PEX5: variants seen among roughly 807,000 people sequenced by gnomAD.
PEX5 encodes peroxisomal biogenesis factor 5.
A neutral mutation model predicts 82.9 loss-of-function variants in PEX5; 52 were observed. The observed-to-expected ratio is 0.63, with a 90% CI of 0.50 to 0.79. The LOEUF (loss-of-function observed/expected upper bound fraction) is 0.79, where lower values mean the gene tolerates loss of function less well. Among genes scored for constraint, PEX5 ranks in the 30% least tolerant of loss-of-function variants. PEX5 has a pLI of 0.00. For synonymous variants in PEX5, 300 were observed against 318.8 expected (o/e 0.94, Z 0.63); for missense variants, 719 against 815.2 (o/e 0.88, Z 1.44).
downstream of PEX5, among the ~76,000 whole-genome samples, chr12:7,213,213 T>C (rs1454103841): frequency 6.6e-6 from 1 of 150,690 alleles, no homozygotes; most frequent in Non-Finnish European, 1.5e-5. Context: ...CTTCACAGAA[T>C]TGGAAAAAAC....
chr12:7,193,914 A>G (rs1941627896), intron 5 of PEX5, among the ~76,000 whole-genome samples: 1 of 152,210 alleles, frequency 6.6e-6, no homozygotes. Context: ...AGAGGCAGAG[A>G]CATGCAAACC....
rs7969635 is a variant in PEX5 at position 7,218,016 on chromosome 12, A to C, written c.*20-386A>C. Reference sequence around the variant, plus strand: ...GGGAGGGGAGTTAGTTAGTCTAACTAATATCAGTTAGACGTTATTTTACTT... The same window carrying C: ...GGGAGGGGAGTTAGTTAGTCTAACTCATATCAGTTAGACGTTATTTTACTT... On this transcript the variant is annotated intron_variant, in intron 17 of 17. Transcript: ENST00000455147. Among the ~76,000 whole-genome samples the C allele has an allele frequency of 3.2e-4, 49 of 152,096 alleles. No homozygotes were observed. The East Asian group carries it at 8.7e-3, about 27-fold the overall frequency.
chr12:7,195,678 A>T (rs1276509965), intron 5 of PEX5, among the ~76,000 whole-genome samples: 2 of 149,948 alleles, frequency 1.3e-5, no homozygotes, highest in Non-Finnish European at 1.5e-5. Context: ...TGTGAATTTG[A>T]GGAGCACTTA....
At chr12:7,191,914 TAGAG>T (rs374749641) in intron 5 of PEX5, among the ~76,000 whole-genome samples, 53 of 152,336 alleles carry the variant, frequency 3.5e-4, no homozygotes, top group African/African-American at 1.0e-3. Flanking sequence ...AGATTTTGGA[TAGAG>T]AGAACGAAGA....
rs1317558154 is a variant in PEX5, at chr12:7,191,591, C to A, written c.339C>A (p.Ala113=). ...PQRAPGVADL[A]LSENWAQEFL... ...AAGCCCCTGGTGTGGCAGACTTGGC[C>A]TTGTCTGAGAACTGGGCCCAGGAGT... The change falls in exon 5 of 16, where the codon GCC becomes GCA. Residue 113 remains alanine (A), a synonymous_variant. Coordinates refer to ENST00000675855, the MANE Select transcript of PEX5 (RefSeq NM_001351132.2). 6.2e-7 allele frequency: 1 copy of A among 1,613,984 alleles called. No homozygotes were observed. Among genetic ancestry groups the A allele is most frequent in the East Asian group, 2.2e-5 (1 of 44,886 alleles).
At chr12:7,201,704 A>G (rs779254127) in intron 6 of PEX5, 47 bp from the exon 7 acceptor site, 1 of 1,292,570 alleles carries the variant, frequency 7.7e-7, no homozygotes, top group African/African-American at 1.4e-5. Context: ...TAGCATGGGG[A>G]GGGTGATGGC....
rs1555175931 is a variant in PEX5 at position 7,197,232 on chromosome 12, T to TATATAATGTAATTATATATGTC, written c.449-1777_449-1776insATAATGTAATTATATATGTCAT. On this transcript the variant is annotated intron_variant, in intron 5 of 15. Coordinates refer to ENST00000675855, the MANE Select transcript of PEX5 (RefSeq NM_001351132.2). ...ATATATAATGTAATTATATATGTCA[T>TATATAATGTAATTATATATGTC]ATGTAATAATTATATGTCATATGTA... Among the ~76,000 whole-genome samples, 29 of 44,742 alleles carry TATATAATGTAATTATATATGTC rather than the reference T, an allele frequency of 6.5e-4. 9 individuals carry two copies. Among genetic ancestry groups the TATATAATGTAATTATATATGTC allele is most frequent in the African/African-American group, 1.8e-3 (26 of 14,366 alleles). The allele number at this position is 44,742 out of a possible 152,430, so 29.4% of individuals were successfully genotyped here.
At chr12:7,201,147 A>G (rs1457317675) in intron 6 of PEX5, among the ~76,000 whole-genome samples, 1 of 151,462 alleles carries the variant, frequency 6.6e-6, no homozygotes, top group East Asian at 2.0e-4. Context: ...ACACACACAC[A>G]CGCACACACA....
chr12:7,198,892 G>C (rs1353923183), intron 5 of PEX5, 119 bp from the exon 6 acceptor site: 1 of 650,844 alleles, frequency 1.5e-6, no homozygotes, highest in Admixed American at 2.1e-5. Context: ...GGAGTCAGCA[G>C]AGTTTTGTCT....
chr12:7,214,794 T>A (rs181457381), downstream of PEX5, among the ~76,000 whole-genome samples: 1 of 152,122 alleles, frequency 6.6e-6, no homozygotes, highest in Non-Finnish European at 1.5e-5. Flanking sequence ...ATTAAAAACA[T>A]GAATAGATGT....
In PEX5 at chr12:7,196,550, AATT is replaced by A. The variant is rs1184235587; in HGVS notation, c.449-2458_449-2456del. Among the ~76,000 whole-genome samples, 3 of 57,824 alleles carry A rather than the reference AATT, an allele frequency of 5.2e-5. 1 individual carries two copies. The highest frequency in any genetic ancestry group is 9.2e-5 in the Non-Finnish European group (2 of 21,652). The allele number at this position is 57,824 out of a possible 152,430, so 37.9% of individuals were successfully genotyped here. On this transcript the variant is annotated intron_variant, in intron 5 of 15. Transcript: ENST00000675855. ...TTATATATGTCACATATAATGTAAT[AATT>A]ATATATGTCACATATAATGTAATAA...
chr12:7,214,472 A>C (rs1332463664), downstream of PEX5, among the ~76,000 whole-genome samples: 4 of 150,422 alleles, frequency 2.7e-5, no homozygotes, highest in East Asian at 8.0e-4. Flanking sequence ...AAGAACAAAA[A>C]ACCAAACACT....
intron 10 of PEX5, among the ~76,000 whole-genome samples, chr12:7,204,889 A>T (rs889546055): frequency 6.6e-6 from 1 of 152,146 alleles, no homozygotes; most frequent in Non-Finnish European, 1.5e-5. Context: ...TAGAAAAAAA[A>T]TCACATTTGA....
intron 17 of PEX5, among the ~76,000 whole-genome samples, chr12:7,216,573 A>ATT (rs11430619): frequency 7.9e-5 from 12 of 152,050 alleles, no homozygotes; most frequent in African/African-American, 2.4e-4. Flanking sequence ...CATAACTTCT[A>ATT]TTTTTTGTTT....
intron 2 of PEX5, 81 bp from the exon 3 acceptor site, chr12:7,190,807 A>G (rs1317993817): frequency 7.9e-6 from 11 of 1,399,690 alleles, no homozygotes; most frequent in African/African-American, 1.4e-5. Context: ...GAAGAAGCCG[A>G]GGCTCAGATG....
intron 10 of PEX5, among the ~76,000 whole-genome samples, chr12:7,205,946 G>A (rs912966883): frequency 1.3e-5 from 2 of 152,178 alleles, no homozygotes; most frequent in Non-Finnish European, 2.9e-5. Context: ...TTTACAGATA[G>A]TATCTTAAGC....
intron 9 of PEX5, 109 bp from the exon 10 acceptor site, chr12:7,203,323 C>A: frequency 8.0e-7 from 1 of 1,245,874 alleles, no homozygotes; most frequent in Non-Finnish European, 1.1e-6. Flanking sequence ...GATTCTTAAA[C>A]ATATTGAAAT....
At chr12:7,215,248 G>A (rs956347564), downstream of PEX5, among the ~76,000 whole-genome samples, 2 of 152,138 alleles carry the variant, frequency 1.3e-5, no homozygotes, top group African/African-American at 4.8e-5. Flanking sequence ...AGTCAAAAAA[G>A]TAACATGTTA....
At position 7,202,253 on chromosome 12, in the gene PEX5, G is replaced by T; in HGVS notation, c.655G>T (p.Val219Leu). ...KLANSEFLKF[V>L]RQIGEGQVSL... ...CTCTGTGCCCCAGTTCCTGAAATTC[G>T]TGCGGCAGATTGGCGAAGGGCAGGT... The change falls in exon 8 of 16, where the codon GTG becomes TTG. Residue 219 changes from valine (V) to leucine (L), a missense_variant. Val to Leu is a conservative substitution (Grantham distance 32). Coordinates refer to ENST00000675855, the MANE Select transcript of PEX5 (RefSeq NM_001351132.2). 6.2e-7 allele frequency: 1 copy of T among 1,614,078 alleles called. No homozygotes were observed. Among genetic ancestry groups the T allele is most frequent in the Non-Finnish European group, 8.5e-7 (1 of 1,180,018 alleles).
Sources: allele counts gnomAD v4.1 joint callset (sites outside exome capture counted in the v4.1 genomes callset), GRCh38; gene constraint gnomAD v4.1.1; transcripts MANE v1.5; gene names NCBI Gene and HGNC (gene_info 2026-07-23, HGNC 2026-07-21).